The following MAP4 variants were observed in gnomAD, a reference collection of about 807,000 sequenced individuals.
MAP4 encodes microtubule-associated protein 4.
Under a neutral mutation model 170.2 loss-of-function variants are expected in MAP4, and 76 were observed. The ratio of observed to expected loss-of-function variants is 0.45; its 90% CI spans 0.37 to 0.54. The LOEUF (loss-of-function observed/expected upper bound fraction) is 0.54. Among genes scored for constraint, MAP4 ranks in the 20% least tolerant of loss-of-function variants. The pLI is 0.00. For synonymous variants in MAP4, 909 were observed against 994.5 expected (o/e 0.91, Z 1.62); for missense variants, 2,506 against 2,748.0 (o/e 0.91, Z 1.97).
intron 1 of MAP4, among the ~76,000 whole-genome samples, chr3:48,044,631 C>T (rs1479246076): frequency 2.0e-5 from 3 of 152,020 alleles, no homozygotes; most frequent in Non-Finnish European, 4.4e-5. Context: ...GGGGTAGTGG[C>T]ACACGCCTGT....
In MAP4 at chr3:47,916,692, C is replaced by G. The variant is rs1199706407; in HGVS notation, c.1135G>C (p.Glu379Gln). The change falls in exon 7 of 21, where the codon GAA becomes CAA. Residue 379 changes from glutamate to glutamine, a missense_variant. Glu to Gln is a conservative substitution (Grantham distance 29). Coordinates refer to ENST00000683076, the MANE Select transcript of MAP4 (RefSeq NM_001385682.1). ...DMGPPKENKK[E>Q]TERASPIKMD... ...TTTATAGGAGATGCCCTCTCTGTTTCTTTCTTGTTTTCTTTGGGTGGTCCC... is the reference window on the plus strand; with the variant it reads ...TTTATAGGAGATGCCCTCTCTGTTTGTTTCTTGTTTTCTTTGGGTGGTCCC... 2.5e-6 allele frequency: 4 copies of G among 1,614,130 alleles called. No homozygotes were observed. The highest frequency in any genetic ancestry group is 3.4e-6 in the Non-Finnish European group (4 of 1,180,010).
intron 3 of MAP4, among the ~76,000 whole-genome samples, chr3:47,952,750 C>G (rs1042107777): frequency 1.4e-4 from 21 of 151,998 alleles, no homozygotes; most frequent in Non-Finnish European, 2.9e-4. Context: ...TGGTGAAACT[C>G]TGTCTCTACT....
At position 47,852,702 on chromosome 3, in the gene MAP4, G is replaced by C; in HGVS notation, c.*232C>G. The C allele has an allele frequency of 6.8e-7, 1 of 1,480,700 alleles. No homozygotes were observed. The highest frequency in any genetic ancestry group is 1.3e-5 in the South Asian group (1 of 76,944). 91.7% of individuals were successfully genotyped at this position (1,480,700 alleles called of 1,614,324 possible). ...AGGCTGGGGAGTGAGAGGAGGTGTG[G>C]GGCAGGGCTGCTGCTGCCCCGGGCA... On this transcript the variant is annotated 3_prime_UTR_variant, in exon 21 of 21. Coordinates refer to ENST00000683076, the MANE Select transcript of MAP4 (RefSeq NM_001385682.1).
chr3:48,039,957 A>G (rs746321318), intron 1 of MAP4, among the ~76,000 whole-genome samples: 16 of 152,232 alleles, frequency 1.1e-4, no homozygotes, highest in Admixed American at 6.5e-5. Flanking sequence ...TTGCACCAAG[A>G]AAACAGAAGA....
intron 1 of MAP4, among the ~76,000 whole-genome samples, chr3:48,080,289 AGAGAACTG>A (rs746480778): frequency 9.9e-5 from 15 of 152,254 alleles, no homozygotes; most frequent in Non-Finnish European, 1.9e-4. Context: ...ATACCTGCAT[AGAGAACTG>A]GAGGAATCAC....
At position 47,933,601 on chromosome 3, in the gene MAP4, CT is replaced by C. The variant is rs1306889632; in HGVS notation, c.293-5252del. On this transcript the variant is annotated intron_variant, in intron 3 of 20. Transcript: ENST00000683076. ...TACTGGCATATGCCATCCTGCCCAG[CT>C]TTTTTTTTTTTTTTTTGAGACAGAG... is the stretch of plus-strand genomic sequence containing the variant. Among the ~76,000 whole-genome samples the C allele has an allele frequency of 8.1e-3, 1,043 of 129,550 alleles. 2 individuals carry two copies. The highest frequency in any genetic ancestry group is 0.011 in the Non-Finnish European group (672 of 62,224). The allele number at this position is 129,550 out of a possible 152,430, so 85.0% of individuals were successfully genotyped here.
chr3:47,986,856 G>C (rs1374013394), intron 2 of MAP4, among the ~76,000 whole-genome samples: 2 of 152,120 alleles, frequency 1.3e-5, no homozygotes, highest in East Asian at 1.9e-4. Context: ...AGAGGGTTTA[G>C]GATTAGACCA....
chr3:47,918,118 G>A (rs1298058409), intron 6 of MAP4, among the ~76,000 whole-genome samples: 1 of 152,184 alleles, frequency 6.6e-6, no homozygotes, highest in Non-Finnish European at 1.5e-5. Flanking sequence ...TAGTAGCTGG[G>A]ATTACAGGCA....
chr3:48,077,597 C>T (rs1023008574), intron 1 of MAP4, among the ~76,000 whole-genome samples: 2 of 151,698 alleles, frequency 1.3e-5, no homozygotes, highest in Non-Finnish European at 2.9e-5. Flanking sequence ...TCCTCAGCCT[C>T]CCAAAATGCT....
At chr3:47,863,110 G>T (rs967670081) in intron 17 of MAP4, among the ~76,000 whole-genome samples, 3 of 152,096 alleles carry the variant, frequency 2.0e-5, no homozygotes, top group Admixed American at 2.0e-4. Flanking sequence ...CAGAGTAGCT[G>T]GGATTATAGG....
intron 3 of MAP4, among the ~76,000 whole-genome samples, chr3:47,962,003 G>A (rs1417573307): frequency 1.3e-5 from 2 of 152,146 alleles, no homozygotes; most frequent in African/African-American, 2.4e-5. Flanking sequence ...GTTGCCCTCA[G>A]GGTTTATTAG....
At chr3:47,931,050 A>G (rs554296725) in intron 3 of MAP4, among the ~76,000 whole-genome samples, 3 of 152,062 alleles carry the variant, frequency 2.0e-5, no homozygotes, top group Non-Finnish European at 4.4e-5. Context: ...AATTAAAACT[A>G]CAATGAACTC....
intron 3 of MAP4, among the ~76,000 whole-genome samples, chr3:47,937,923 A>G (rs1300318119): frequency 1.3e-5 from 2 of 150,682 alleles, no homozygotes; most frequent in Admixed American, 6.6e-5. Flanking sequence ...CAGTCTCCCA[A>G]AGTGCTGGGA....
chr3:48,013,838 G>C (rs1169091692), intron 1 of MAP4, among the ~76,000 whole-genome samples: 5 of 151,978 alleles, frequency 3.3e-5, no homozygotes, highest in Admixed American at 2.0e-4. Flanking sequence ...AACATCAAAG[G>C]AGACTCAACA....
intron 2 of MAP4, among the ~76,000 whole-genome samples, chr3:47,997,707 C>CAAAGATAGAAAGAAAG (rs2100096727): frequency 6.7e-6 from 1 of 149,798 alleles, no homozygotes; most frequent in African/African-American, 2.5e-5. Context: ...CTAGACTTAT[C>CAAAGATAGAAAGAAAG]AAAGAAAGAA....
chr3:47,887,496 A>G (rs1577089194), intron 10 of MAP4, among the ~76,000 whole-genome samples: 1 of 152,050 alleles, frequency 6.6e-6, no homozygotes, highest in African/African-American at 2.4e-5. Context: ...CCACCCCTCC[A>G]TGGGCTCCTG....
chr3:48,003,180 C>T (rs1003551957), intron 1 of MAP4, among the ~76,000 whole-genome samples: 4 of 151,854 alleles, frequency 2.6e-5, no homozygotes, highest in Non-Finnish European at 4.4e-5. Context: ...ATGGGCCGGG[C>T]GCAATGGCTC....
intron 11 of MAP4, among the ~76,000 whole-genome samples, chr3:47,876,136 C>CTTTT (rs4032093): frequency 4.3e-5 from 4 of 92,250 alleles, no homozygotes; most frequent in East Asian, 3.0e-4. Flanking sequence ...CTTTTTCTTT[C>CTTTT]TTTTTTTTTT....
At chr3:48,008,377 C>A (rs1346918072) in intron 1 of MAP4, among the ~76,000 whole-genome samples, 1 of 152,232 alleles carries the variant, frequency 6.6e-6, no homozygotes, top group Non-Finnish European at 1.5e-5. Flanking sequence ...AGCTGCAGCA[C>A]TACAACCCCT....
Sources: allele counts gnomAD v4.1 joint callset (sites outside exome capture counted in the v4.1 genomes callset), GRCh38; gene constraint gnomAD v4.1.1; transcripts MANE v1.5; gene names NCBI Gene and HGNC (gene_info 2026-07-23, HGNC 2026-07-21).